The following LSAMP variants were observed in gnomAD, a reference collection of about 807,000 sequenced individuals.
LSAMP encodes the protein limbic system associated membrane protein.
In LSAMP, 7 loss-of-function variants were observed where a neutral mutation model predicts 38.6. The ratio of observed to expected loss-of-function variants is 0.18; its 90% CI spans 0.10 to 0.34. The LOEUF (loss-of-function observed/expected upper bound fraction) is 0.34. LSAMP is among the 10% of genes least tolerant of loss of function. LSAMP has a pLI of 1.00. For synonymous variants in LSAMP, 154 were observed against 166.8 expected (o/e 0.92, Z 0.59); for missense variants, 313 against 420.0 (o/e 0.75, Z 2.23).
chr3:115,970,336 C>A (rs1429405628), intron 3 of LSAMP, among the ~76,000 whole-genome samples: 1 of 152,146 alleles, frequency 6.6e-6, no homozygotes, highest in African/African-American at 2.4e-5. Flanking sequence ...TTGCTTTTCC[C>A]TTGCAAGCCT....
At chr3:115,993,528 A>G (rs2107646465) in intron 3 of LSAMP, among the ~76,000 whole-genome samples, 1 of 152,186 alleles carries the variant, frequency 6.6e-6, no homozygotes, top group South Asian at 2.1e-4. Flanking sequence ...AAATTTGTTC[A>G]TAACTTGTCT....
At chr3:116,417,370 G>T (rs2049065639) in intron 1 of LSAMP, among the ~76,000 whole-genome samples, 1 of 152,212 alleles carries the variant, frequency 6.6e-6, no homozygotes, top group South Asian at 2.1e-4. Flanking sequence ...CAGCCAAGGG[G>T]CTATGCTGTC....
chr3:116,273,683 C>CAGAT (rs150705226), intron 1 of LSAMP, among the ~76,000 whole-genome samples: 2,073 of 50,416 alleles, frequency 0.041, 227 homozygotes, highest in African/African-American at 0.12. Flanking sequence ...GAGAAAGAGG[C>CAGAT]ATATATATAT....
chr3:115,841,072 A>G (rs1416836299), intron 6 of LSAMP, among the ~76,000 whole-genome samples: 1 of 152,216 alleles, frequency 6.6e-6, no homozygotes, highest in Non-Finnish European at 1.5e-5. Flanking sequence ...CACCTGCCCA[A>G]CAAGGCAGGG....
At chr3:116,056,440 A>G (rs1229213349) in intron 2 of LSAMP, among the ~76,000 whole-genome samples, 1 of 152,136 alleles carries the variant, frequency 6.6e-6, no homozygotes, top group African/African-American at 2.4e-5. Flanking sequence ...TAGAAACCAA[A>G]ACTAAATATA....
chr3:116,298,988 G>T (rs918809160), intron 1 of LSAMP, among the ~76,000 whole-genome samples: 1 of 152,102 alleles, frequency 6.6e-6, no homozygotes, highest in South Asian at 2.1e-4. Flanking sequence ...AAAGAGAATG[G>T]AACCAAAATT....
intron 1 of LSAMP, among the ~76,000 whole-genome samples, chr3:116,435,764 T>C (rs1179800235): frequency 6.6e-6 from 1 of 152,194 alleles, no homozygotes; most frequent in Non-Finnish European, 1.5e-5. Flanking sequence ...ACAAGGACTA[T>C]AATGAGTAGA....
rs537415712 is a variant in LSAMP, at chr3:116,097,414, C to G, written c.156-10858G>C. ...AAAACCCAGCCCCTTACTTTATAGT[C>G]TTGTCATATATGCCATTATGTAAAT... On this transcript the variant is annotated intron_variant, in intron 1 of 6. Coordinates refer to ENST00000490035, the MANE Select transcript of LSAMP (RefSeq NM_002338.5). Among the ~76,000 whole-genome samples the G allele has an allele frequency of 2.0e-5, 3 of 152,232 alleles. No individual in the cohort carries two copies. The East Asian group carries it at 5.8e-4, about 29-fold the overall frequency.
At chr3:116,442,491 C>G (rs532684579) in intron 1 of LSAMP, among the ~76,000 whole-genome samples, 1 of 152,016 alleles carries the variant, frequency 6.6e-6, no homozygotes, top group African/African-American at 2.4e-5. Flanking sequence ...GCCTTATAAG[C>G]AGAAAGCAAG....
At chr3:116,171,089 GC>G (rs1413160706) in intron 1 of LSAMP, among the ~76,000 whole-genome samples, 5 of 152,066 alleles carry the variant, frequency 3.3e-5, no homozygotes, top group Non-Finnish European at 7.4e-5. Flanking sequence ...TTAACTTTGG[GC>G]TTTGCTTTAT....
intron 1 of LSAMP, among the ~76,000 whole-genome samples, chr3:116,405,562 GAAC>G (rs1408249521): frequency 2.0e-5 from 3 of 151,718 alleles, no homozygotes; most frequent in Non-Finnish European, 4.4e-5. Context: ...GACTTTAAAT[GAAC>G]AACAAGAAAA....
intron 4 of LSAMP, among the ~76,000 whole-genome samples, chr3:115,851,536 A>T (rs1935330484): frequency 6.6e-6 from 1 of 152,230 alleles, no homozygotes; most frequent in South Asian, 2.1e-4. Flanking sequence ...AATCTCTGGC[A>T]CATAGGAAGA....
chr3:116,158,861 C>A (rs1290610880), intron 1 of LSAMP, among the ~76,000 whole-genome samples: 1 of 151,900 alleles, frequency 6.6e-6, no homozygotes, highest in African/African-American at 2.4e-5. Flanking sequence ...TTAAAATTCA[C>A]GAGAACCAAA....
chr3:116,115,301 C>T (rs1405833446), intron 1 of LSAMP, among the ~76,000 whole-genome samples: 1 of 152,208 alleles, frequency 6.6e-6, no homozygotes, highest in African/African-American at 2.4e-5. Context: ...CATGTGTTGT[C>T]AGGTTTAATT....
At chr3:116,225,476 T>C (rs2046332498) in intron 1 of LSAMP, among the ~76,000 whole-genome samples, 1 of 152,170 alleles carries the variant, frequency 6.6e-6, no homozygotes, top group Admixed American at 6.5e-5. Flanking sequence ...AACCACCCAG[T>C]ATGTGGTAAT....
intron 1 of LSAMP, among the ~76,000 whole-genome samples, chr3:116,266,634 C>A (rs1416083731): frequency 1.3e-5 from 2 of 151,930 alleles, no homozygotes; most frequent in African/African-American, 4.8e-5. Flanking sequence ...TGCCTTATGT[C>A]CAGATTTGAG....
chr3:115,971,824 T>C (rs1417691799), intron 3 of LSAMP, among the ~76,000 whole-genome samples: 8 of 152,118 alleles, frequency 5.3e-5, no homozygotes, highest in Non-Finnish European at 1.2e-4. Flanking sequence ...GCTTATTCAA[T>C]GAAGGAATGA....
chr3:115,898,215 T>C (rs1387250688), intron 3 of LSAMP, among the ~76,000 whole-genome samples: 3 of 152,128 alleles, frequency 2.0e-5, no homozygotes, highest in Non-Finnish European at 4.4e-5. Flanking sequence ...TCAAGATAAA[T>C]TTAGGAAACA....
At chr3:116,421,100 A>T (rs962992505) in intron 1 of LSAMP, among the ~76,000 whole-genome samples, 1 of 152,150 alleles carries the variant, frequency 6.6e-6, no homozygotes, top group Non-Finnish European at 1.5e-5. Flanking sequence ...GGTAAGAATA[A>T]CTCTTTGTAA....
Sources: allele counts gnomAD v4.1 joint callset (sites outside exome capture counted in the v4.1 genomes callset), GRCh38; gene constraint gnomAD v4.1.1; transcripts MANE v1.5; gene names NCBI Gene and HGNC (gene_info 2026-07-23, HGNC 2026-07-21).